SLFN11: variants seen among roughly 807,000 people sequenced by gnomAD.
The protein encoded by SLFN11 is schlafen family member 11.
In SLFN11, 43 loss-of-function variants were observed where a neutral mutation model predicts 53.4. That is an observed-to-expected ratio of 0.80 (90% CI 0.63 to 1.04). The LOEUF (loss-of-function observed/expected upper bound fraction) is 1.04. SLFN11 is among the 50% of genes least tolerant of loss of function. The pLI is 0.00. For synonymous variants in SLFN11, 389 were observed against 394.7 expected, an observed-to-expected ratio of 0.99 and a Z score of 0.17; for missense variants, 990 against 1,079.1, an observed-to-expected ratio of 0.92 and a Z score of 1.16.
chr17:35,364,813 C>T (rs184539134), intron 3 of SLFN11, among the ~76,000 whole-genome samples: 9 of 152,108 alleles, frequency 5.9e-5, no homozygotes, highest in Admixed American at 2.0e-4. Flanking sequence ...GTAAAGGAAT[C>T]TATATTAATT....
Position 35,354,049 on chromosome 17 carries a change from T to C in SLFN11, c.1209A>G (p.Gly403=). ...LQQLLFSVPP[G]YLRYTPESLW... Reference sequence around the variant, plus strand: ...GTGACTCTGGAGTATATCGCAAATATCCTGGTGGGACTGTATGTGAAAAGA... The same window carrying C: ...GTGACTCTGGAGTATATCGCAAATACCCTGGTGGGACTGTATGTGAAAAGA... The change falls in exon 6 of 7, where the codon GGA becomes GGG. Residue 403 remains glycine (G), a synonymous_variant. Coordinates refer to ENST00000685675, the MANE Select transcript of SLFN11 (RefSeq NM_001376007.1). The C allele has an allele frequency of 1.2e-6, 2 of 1,607,850 alleles. No homozygotes were observed. The highest frequency in any genetic ancestry group is 2.2e-5 in the East Asian group (1 of 44,842).
rs144900385 is a variant in SLFN11 at position 35,352,343 on chromosome 17, T to A, written c.*13A>T. The stretch of plus-strand genomic sequence containing the variant: ...CATAGACATTTACATAGCATTTTGA[T>A]TTGGAGTTCTTCCTAATGGCCACCC... On this transcript the variant is annotated 3_prime_UTR_variant, in exon 7 of 7. Coordinates refer to ENST00000685675, the MANE Select transcript of SLFN11 (RefSeq NM_001376007.1). 9 of 1,612,402 alleles carry A rather than the reference T, an allele frequency of 5.6e-6. No individual in the cohort carries two copies. The highest frequency in any genetic ancestry group is 5.5e-5 in the South Asian group (5 of 91,026).
rs1238953809 is a variant in SLFN11, at chr17:35,350,381, G to A, written c.*1975C>T. On this transcript the variant is annotated 3_prime_UTR_variant, in exon 7 of 7. Coordinates refer to ENST00000685675, the MANE Select transcript of SLFN11 (RefSeq NM_001376007.1). ...AATGCAGTAGTAAGCTAAACCTTTT[G>A]CCATTCATAGGGAAACAAATATCAG... 1 of 151,902 alleles carries A rather than the reference G, an allele frequency of 6.6e-6. No individual in the cohort carries two copies. The highest frequency in any genetic ancestry group is 1.5e-5 in the Non-Finnish European group (1 of 68,000). The allele number at this position is 151,902 out of a possible 1,614,324, so 9.4% of individuals were successfully genotyped here. A position where few individuals can be genotyped will look rare whatever the true frequency, so the allele number is the denominator to read the frequency against.
At chr17:35,366,516 A>T (rs1908977748) in intron 3 of SLFN11, among the ~76,000 whole-genome samples, 1 of 152,132 alleles carries the variant, frequency 6.6e-6, no homozygotes, top group Non-Finnish European at 1.5e-5. Context: ...TTGGAAAATT[A>T]TTAAAATAAA....
Position 35,363,149 on chromosome 17 carries a change from G to C in SLFN11, c.659C>G (p.Thr220Arg), listed in dbSNP as rs564100410. 7 of 1,613,930 alleles carry C rather than the reference G, an allele frequency of 4.3e-6. No homozygotes were observed. The highest frequency in any genetic ancestry group is 5.9e-6 in the Non-Finnish European group (7 of 1,179,968). The change falls in exon 4 of 7, where the codon ACA becomes AGA. Residue 220 changes from threonine to arginine, a missense_variant. Physicochemically the swap from Thr to Arg is moderately conservative, Grantham distance 71. Coordinates refer to ENST00000685675, the MANE Select transcript of SLFN11 (RefSeq NM_001376007.1). Reference protein sequence around the residue: ...SQLVEFKQFSTKHFQEYVKRT... With the variant: ...SQLVEFKQFSRKHFQEYVKRT... Reference sequence around the variant, plus strand: ...TTTTACATATTCTTGGAAGTGTTTTGTAGAGAACTGTTTAAACTCTACTAA... The same window carrying C: ...TTTTACATATTCTTGGAAGTGTTTTCTAGAGAACTGTTTAAACTCTACTAA...
chr17:35,357,684 A>G (rs1467089125), intron 5 of SLFN11, among the ~76,000 whole-genome samples: 1 of 146,674 alleles, frequency 6.8e-6, no homozygotes, highest in Non-Finnish European at 1.5e-5. Context: ...ATGACAATAC[A>G]ACTCTTTTTA....
At chr17:35,355,603 GTCT>G (rs1907369598) in intron 5 of SLFN11, among the ~76,000 whole-genome samples, 1 of 152,070 alleles carries the variant, frequency 6.6e-6, no homozygotes. Flanking sequence ...CATTGCATAG[GTCT>G]TCTTTTTCTT....
rs1908567704 is a variant in SLFN11 at position 35,363,661 on chromosome 17, AG to A, written c.146del (p.Ala49ValfsTer6). 1 of 1,613,832 alleles carries A rather than the reference AG, an allele frequency of 6.2e-7. No individual in the cohort carries two copies. The highest frequency in any genetic ancestry group is 8.5e-7 in the Non-Finnish European group (1 of 1,179,974). Reference protein sequence around the residue: ...RDQEKERVMRAACALLNSGGG... With the variant: ...RDQEKERVMRXACALLNSGGG... ...CTCCTGAGTTTAATAAAGCACATGC[AG>A]CCCGCATAACTCTCTCCTTCTCTTG... On this transcript the variant is annotated frameshift_variant, in exon 4 of 7. Transcript: ENST00000685675. LOFTEE classifies it high-confidence loss of function.
At chr17:35,364,381 A>G (rs1246899037) in intron 3 of SLFN11, among the ~76,000 whole-genome samples, 4 of 152,160 alleles carry the variant, frequency 2.6e-5, no homozygotes, top group African/African-American at 4.8e-5. Flanking sequence ...TCACCTGCAC[A>G]GAGGTCTCAG....
Position 35,350,464 on chromosome 17 carries a change from A to G in SLFN11, c.*1892T>C, listed in dbSNP as rs1326403171. 2 of 152,180 alleles carry G rather than the reference A, an allele frequency of 1.3e-5. No homozygotes were observed. Among genetic ancestry groups the G allele is most frequent in the African/African-American group, 4.8e-5 (2 of 41,450 alleles). 9.4% of individuals were successfully genotyped at this position (152,180 alleles called of 1,614,324 possible). On this transcript the variant is annotated 3_prime_UTR_variant, in exon 7 of 7. Transcript: ENST00000685675. ...TTATTTATACATTTTAAAATATTATATTGTTTCAAATATTGTTAGTGGGGC... is the reference window on the plus strand; with the variant it reads ...TTATTTATACATTTTAAAATATTATGTTGTTTCAAATATTGTTAGTGGGGC...
At chr17:35,372,334 G>A (rs986267941) in intron 1 of SLFN11, among the ~76,000 whole-genome samples, 7 of 152,080 alleles carry the variant, frequency 4.6e-5, no homozygotes, top group African/African-American at 1.7e-4. Flanking sequence ...GAGGGAAGGG[G>A]TGAGGTGGGG....
chr17:35,359,632 C>T (rs1459236324), intron 5 of SLFN11, among the ~76,000 whole-genome samples: 2 of 152,126 alleles, frequency 1.3e-5, no homozygotes, highest in South Asian at 4.1e-4. Flanking sequence ...TGTGCTGCTA[C>T]GTGATTGTCC....
At chr17:35,370,679 A>C (rs537110839) in intron 1 of SLFN11, among the ~76,000 whole-genome samples, 1 of 152,136 alleles carries the variant, frequency 6.6e-6, no homozygotes, top group African/African-American at 2.4e-5. Flanking sequence ...CTATATACCA[A>C]TAGTGAACAA....
At chr17:35,368,578 A>G (rs1214158824) in intron 1 of SLFN11, among the ~76,000 whole-genome samples, 1 of 152,028 alleles carries the variant, frequency 6.6e-6, no homozygotes, top group East Asian at 1.9e-4. Context: ...CAAGGACTGA[A>G]ACTCCTAGGC....
chr17:35,364,188 C>T (rs1329243901), intron 3 of SLFN11, among the ~76,000 whole-genome samples: 1 of 152,112 alleles, frequency 6.6e-6, no homozygotes, highest in East Asian at 1.9e-4. Flanking sequence ...GCATGAAGGG[C>T]ATGTGTACAA....
rs1908515521 is a variant in SLFN11, at chr17:35,363,396, T to A, written c.412A>T (p.Thr138Ser). 1 of 1,613,876 alleles carries A rather than the reference T, an allele frequency of 6.2e-7. No individual in the cohort carries two copies. The highest frequency in any genetic ancestry group is 8.5e-7 in the Non-Finnish European group (1 of 1,179,962). Residue 138 changes from threonine (T) to serine (S), a missense_variant, in exon 4 of 7, where the codon ACC (threonine) becomes TCC (serine). By Grantham distance (58) the Thr-to-Ser change is moderately conservative. Coordinates refer to ENST00000685675, the MANE Select transcript of SLFN11 (RefSeq NM_001376007.1). The part of the protein sequence containing the change: ...LSSSLYRRSE[T>S]SVRSMDSREA... Reference sequence around the variant, plus strand: ...CTTGAGTCCATGGAACGCACAGAGGTCTCAGATCTACGGTATAATGAAGAA... The same window carrying A: ...CTTGAGTCCATGGAACGCACAGAGGACTCAGATCTACGGTATAATGAAGAA...
Position 35,372,940 on chromosome 17 carries a change from C to G in SLFN11, c.-235+534G>C, listed in dbSNP as rs1681923927. ...GAGACATTTTTCTCATTTCTCCCCCCTCTAGATTATAAATCTCCCCGCAGG... is the reference window on the plus strand; with the variant it reads ...GAGACATTTTTCTCATTTCTCCCCCGTCTAGATTATAAATCTCCCCGCAGG... On this transcript the variant is annotated intron_variant, in intron 1 of 6. Coordinates refer to ENST00000685675, the MANE Select transcript of SLFN11 (RefSeq NM_001376007.1). Among the ~76,000 whole-genome samples, 3 of 152,250 alleles carry G rather than the reference C, an allele frequency of 2.0e-5. 1 individual carries two copies. The highest frequency in any genetic ancestry group is 6.5e-5 in the Admixed American group (1 of 15,300).
chr17:35,360,467 T>C (rs2060770832), intron 4 of SLFN11, 96 bp from the exon 5 acceptor site: 2 of 1,159,642 alleles, frequency 1.7e-6, no homozygotes, highest in Non-Finnish European at 2.4e-6. Flanking sequence ...TCTAAATAGT[T>C]TGACTTGAGA....
intron 3 of SLFN11, among the ~76,000 whole-genome samples, chr17:35,365,801 T>A (rs1443872863): frequency 6.6e-6 from 1 of 152,050 alleles, no homozygotes; most frequent in African/African-American, 2.4e-5. Flanking sequence ...TAATATACAA[T>A]AGAATAGCAT....
Sources: allele counts gnomAD v4.1 joint callset (sites outside exome capture counted in the v4.1 genomes callset), GRCh38; gene constraint gnomAD v4.1.1; transcripts MANE v1.5; gene names NCBI Gene and HGNC (gene_info 2026-07-23, HGNC 2026-07-21).